The following NCKAP5 variants were observed in gnomAD, a reference collection of about 807,000 sequenced individuals.
NCKAP5 encodes NCK associated protein 5.
In NCKAP5, 92 loss-of-function variants were observed where a neutral mutation model predicts 167.0. That is an observed-to-expected ratio of 0.55 (90% confidence interval 0.47 to 0.66). The LOEUF (loss-of-function observed/expected upper bound fraction) is 0.66, where lower values mean the gene tolerates loss of function less well. Ranked by LOEUF, NCKAP5 falls within the 30% of genes least tolerant of loss-of-function variation. The probability of loss-of-function intolerance (pLI) is 0.00; values close to 1 mark genes in which losing one functional copy is unlikely to be tolerated. For missense variants in NCKAP5, 2,378 were observed against 2,315.0 expected (o/e 1.03, Z -0.56); for synonymous variants, 891 against 877.4 (o/e 1.02, Z -0.27).
intron 5 of NCKAP5, among the ~76,000 whole-genome samples, chr2:133,171,406 T>C (rs1288899384): frequency 6.6e-6 from 1 of 152,212 alleles, no homozygotes; most frequent in African/African-American, 2.4e-5. Context: ...AGGACAAATC[T>C]CTTTATTACA....
chr2:133,468,473 A>G (rs1216668868), intron 3 of NCKAP5, among the ~76,000 whole-genome samples: 1 of 151,292 alleles, frequency 6.6e-6, no homozygotes, highest in African/African-American at 2.4e-5. Flanking sequence ...GGTGCTGAAA[A>G]AAATGTATAT....
chr2:133,123,501 A>G (rs2082312518), intron 6 of NCKAP5: 1 of 196,802 alleles, frequency 5.1e-6, no homozygotes, highest in South Asian at 9.8e-5. Flanking sequence ...TTGCTTTACC[A>G]TCTTCAACTT....
intron 6 of NCKAP5, among the ~76,000 whole-genome samples, chr2:133,089,881 T>C (rs149801262): frequency 1.1e-4 from 17 of 152,336 alleles, no homozygotes; most frequent in South Asian, 6.2e-4. Context: ...AGTACTTTCC[T>C]AGTCAAGACC....
At chr2:132,859,620 T>C (rs532344357) in intron 11 of NCKAP5, among the ~76,000 whole-genome samples, 1 of 152,338 alleles carries the variant, frequency 6.6e-6, no homozygotes, top group Non-Finnish European at 1.5e-5. Flanking sequence ...GACCACAGGA[T>C]GGACAAGGAC....
intron 19 of NCKAP5, among the ~76,000 whole-genome samples, chr2:132,701,892 T>C (rs1573925554): frequency 6.6e-6 from 1 of 152,286 alleles, no homozygotes; most frequent in East Asian, 1.9e-4. Context: ...GGCAACCGGA[T>C]GGAACCTGGA....
chr2:132,894,833 G>A (rs1291681419), intron 8 of NCKAP5, among the ~76,000 whole-genome samples: 1 of 152,114 alleles, frequency 6.6e-6, no homozygotes, highest in Non-Finnish European at 1.5e-5. Context: ...AGCATGAGTG[G>A]GTGAGCAGCA....
At position 133,396,679 on chromosome 2, in the gene NCKAP5, GAC is replaced by G. The variant is rs534815061; in HGVS notation, c.70-93571_70-93570del. ...ATATTGGATGAGGACCCACACTAAT[GAC>G]ACCTCATTTCAACTTGGTTACCTCT... is the stretch of plus-strand genomic sequence containing the variant. On this transcript the variant is annotated intron_variant, in intron 3 of 19. Coordinates refer to ENST00000409261, the MANE Select transcript of NCKAP5 (RefSeq NM_207363.3). 4.8e-3 allele frequency among the ~76,000 whole-genome samples: 728 copies of G among 152,120 alleles called. 6 individuals are homozygous for G. The highest frequency in any genetic ancestry group is 0.017 in the Middle Eastern group (5 of 294).
chr2:133,659,297 T>C, the NCKAP5 span, among the ~76,000 whole-genome samples: 1 of 152,120 alleles, frequency 6.6e-6, no homozygotes, highest in African/African-American at 2.4e-5. Flanking sequence ...TGCAAAAGAA[T>C]AAAGCTGAAC....
chr2:132,771,459 A>C (rs1574147382), intron 16 of NCKAP5, among the ~76,000 whole-genome samples: 1 of 152,224 alleles, frequency 6.6e-6, no homozygotes, highest in Non-Finnish European at 1.5e-5. Flanking sequence ...ATAAAGTAAA[A>C]AAGTGACAGT....
At chr2:132,994,874 G>A (rs1336974495) in intron 6 of NCKAP5, among the ~76,000 whole-genome samples, 1 of 152,140 alleles carries the variant, frequency 6.6e-6, no homozygotes, top group East Asian at 1.9e-4. Flanking sequence ...ATTGCTCCTA[G>A]GCTACAAACC....
At chr2:132,930,215 G>A (rs1448234697) in intron 8 of NCKAP5, 2 of 152,192 alleles carry the variant, frequency 1.3e-5, no homozygotes, top group Non-Finnish European at 2.9e-5. Flanking sequence ...TCACCTGGCT[G>A]GTAGATTCCT....
At chr2:132,725,592 G>A (rs754665733) in intron 19 of NCKAP5, 35 bp downstream of exon 19, 1 of 1,586,664 alleles carries the variant, frequency 6.3e-7, no homozygotes, top group Admixed American at 1.8e-5. Context: ...CCAGAGAGAG[G>A]AACCTGCAGG....
chr2:133,210,933 C>T (rs926436531), intron 5 of NCKAP5, among the ~76,000 whole-genome samples: 2 of 152,120 alleles, frequency 1.3e-5, no homozygotes, highest in Non-Finnish European at 2.9e-5. Context: ...GTTCCCATCT[C>T]TCAAAGCATG....
intron 11 of NCKAP5, among the ~76,000 whole-genome samples, chr2:132,831,602 G>T (rs11682158): frequency 6.6e-6 from 1 of 151,952 alleles, no homozygotes; most frequent in Non-Finnish European, 1.5e-5. Context: ...TTATTGACTG[G>T]TAGGGGCTCT....
At chr2:133,466,845 T>A (rs1295289614) in intron 3 of NCKAP5, among the ~76,000 whole-genome samples, 1 of 152,152 alleles carries the variant, frequency 6.6e-6, no homozygotes, top group Non-Finnish European at 1.5e-5. Flanking sequence ...GCTTGTGATT[T>A]TTGTACATTG....
At chr2:133,569,344 C>T (rs1189324111), upstream of NCKAP5, among the ~76,000 whole-genome samples, 2 of 152,234 alleles carry the variant, frequency 1.3e-5, no homozygotes, top group East Asian at 3.9e-4. Context: ...CCACGAAGCG[C>T]GAACACTCCA....
chr2:133,652,910 C>T, the NCKAP5 span, among the ~76,000 whole-genome samples: 2 of 152,180 alleles, frequency 1.3e-5, no homozygotes, highest in Non-Finnish European at 2.9e-5. Flanking sequence ...TTGACAAGTC[C>T]ACCTCAAATT....
rs538299248 is a variant in NCKAP5, at chr2:133,210,638, G to T, written c.207+3078C>A. On this transcript the variant is annotated intron_variant, in intron 5 of 19. Transcript: ENST00000409261. ...TTTTAGGAGCTGTCAGATACTGAAA[G>T]AATCAGGACTTCAGAAATAAATGAA... Among the ~76,000 whole-genome samples, 4 of 152,194 alleles carry T rather than the reference G, an allele frequency of 2.6e-5. No individual in the cohort carries two copies. In the East Asian group the frequency reaches 7.7e-4, roughly 29 times the overall value.
At position 133,306,658 on chromosome 2, in the gene NCKAP5, C is replaced by A. The variant is rs1304329654; in HGVS notation, c.70-3548G>T. Among the ~76,000 whole-genome samples, 4 of 152,146 alleles carry A rather than the reference C, an allele frequency of 2.6e-5. No individual in the cohort carries two copies. In the East Asian group the frequency reaches 5.8e-4, roughly 22 times the overall value. ...GCTAAGAATTTCAGGGCAACATACA[C>A]CTTACAGGCAGAATGGAAATCTATT... On this transcript the variant is annotated intron_variant, in intron 3 of 19. Transcript: ENST00000409261.
Sources: gnomAD v4.1 joint callset for allele counts (sites outside exome capture counted in the v4.1 genomes callset) on GRCh38, gnomAD v4.1.1 for gene constraint, MANE v1.5 for transcripts, NCBI Gene and HGNC (gene_info 2026-07-23, HGNC 2026-07-21) for gene names.